Variants in COL28A1 observed in about 807,000 individuals in gnomAD.
COL28A1 encodes the protein collagen alpha-1(XXVIII) chain.
COL28A1 carries 161 observed loss-of-function variants against 150.2 expected under a neutral mutation model. That is an observed-to-expected ratio of 1.07 (90% CI 0.94 to 1.22). The LOEUF (loss-of-function observed/expected upper bound fraction) is 1.22, where lower values mean the gene tolerates loss of function less well. COL28A1 is among the 50% of genes most tolerant of loss of function. The pLI, the probability that COL28A1 is intolerant of heterozygous loss-of-function variation, is 0.00. For synonymous variants in COL28A1, 552 were observed against 469.7 expected (o/e 1.18, Z -2.26); for missense variants, 1,617 against 1,388.3 (o/e 1.16, Z -2.62).
Position 7,395,667 on chromosome 7 carries a change from G to A in COL28A1, c.2137-14055C>T, listed in dbSNP as rs144837924. Among the ~76,000 whole-genome samples the A allele has an allele frequency of 7.2e-4, 109 of 152,312 alleles. 3 individuals are homozygous for A. The East Asian group carries it at 0.016, about 23-fold the overall frequency. ...AGAGCACTTGCTGTAAAAGCTCTGA[G>A]AAGAGGAAGAATTTTACTTTAGCAC... On this transcript the variant is annotated intron_variant, in intron 27 of 34. Transcript: ENST00000399429.
chr7:7,349,532 T>A, the COL28A1 span, among the ~76,000 whole-genome samples: 3 of 152,138 alleles, frequency 2.0e-5, no homozygotes, highest in East Asian at 5.8e-4. Flanking sequence ...GTACTCTTCC[T>A]TCAGAATTCT....
rs143616767 is a variant in COL28A1, at chr7:7,406,543, C to T, written c.2136+11316G>A. Among the ~76,000 whole-genome samples, 795 of 152,106 alleles carry T rather than the reference C, an allele frequency of 5.2e-3. 5 individuals carry two copies. Among genetic ancestry groups the T allele is most frequent in the African/African-American group, 0.018 (760 of 41,496 alleles). On this transcript the variant is annotated intron_variant, in intron 27 of 34. Coordinates refer to ENST00000399429, the MANE Select transcript of COL28A1 (RefSeq NM_001037763.3). ...GAAATATTTTCAGATAATGATAGTG[C>T]TATGAAAACAATAAAACAGGATAAC...
intron 27 of COL28A1, among the ~76,000 whole-genome samples, chr7:7,391,581 A>G (rs546173399): frequency 6.6e-6 from 1 of 152,104 alleles, no homozygotes; most frequent in African/African-American, 2.4e-5. Context: ...GTGCTGTGTA[A>G]AAGTCTCCCA....
chr7:7,458,313 G>C (rs967350342), intron 15 of COL28A1, among the ~76,000 whole-genome samples: 2 of 152,038 alleles, frequency 1.3e-5, no homozygotes, highest in African/African-American at 4.8e-5. Context: ...CTACTCAGGA[G>C]GCTAAGGCAG....
rs113463606 is a variant in COL28A1 at position 7,405,746 on chromosome 7, C to T, written c.2136+12113G>A. Among the ~76,000 whole-genome samples the T allele has an allele frequency of 6.1e-4, 93 of 151,960 alleles. 1 individual carries two copies. Among genetic ancestry groups the T allele is most frequent in the African/African-American group, 2.2e-3 (91 of 41,446 alleles). ...AAAGCATCAAGTGTCTCATTTATTTCTAATTTAATTATTAATCTAAGAGGG... is the reference window on the plus strand; with the variant it reads ...AAAGCATCAAGTGTCTCATTTATTTTTAATTTAATTATTAATCTAAGAGGG... On this transcript the variant is annotated intron_variant, in intron 27 of 34. Transcript: ENST00000399429.
intron 30 of COL28A1, among the ~76,000 whole-genome samples, chr7:7,378,609 T>C (rs1242198584): frequency 2.0e-5 from 3 of 152,026 alleles, no homozygotes; most frequent in African/African-American, 7.2e-5. Context: ...ACAGAAAGGA[T>C]AAGAGGGGGA....
intron 32 of COL28A1, among the ~76,000 whole-genome samples, chr7:7,372,488 T>C (rs1781290277): frequency 6.6e-6 from 1 of 152,198 alleles, no homozygotes; most frequent in African/African-American, 2.4e-5. Flanking sequence ...TGTTTATTCA[T>C]CATTATCTGC....
Position 7,517,816 on chromosome 7 carries a change from C to G in COL28A1, c.835G>C (p.Ala279Pro). The G allele has an allele frequency of 6.2e-7, 1 of 1,613,788 alleles. No homozygotes were observed. The highest frequency in any genetic ancestry group is 8.5e-7 in the Non-Finnish European group (1 of 1,179,726). Residue 279 changes from alanine (A) to proline (P), a missense_variant, in exon 7 of 35, where the codon GCT becomes CCT. Ala to Pro is a conservative substitution (Grantham distance 27). Coordinates refer to ENST00000399429, the MANE Select transcript of COL28A1 (RefSeq NM_001037763.3). ...CATACCCCTGGACCTCTTTCTCCAG[C>G]TTCTCCTTTTTGAGCGTTGCCCTGT... is the stretch of plus-strand genomic sequence containing the variant. ...GNPGNAQKGE[A>P]GERGPGGIPG...
chr7:7,509,478 G>T (rs534863508), intron 9 of COL28A1, among the ~76,000 whole-genome samples: 26 of 152,196 alleles, frequency 1.7e-4, no homozygotes, highest in African/African-American at 6.3e-4. Flanking sequence ...ATCTCTTCAT[G>T]TTGTTCATAT....
chr7:7,538,276 A>T (rs965123382), upstream of COL28A1, among the ~76,000 whole-genome samples: 1 of 152,212 alleles, frequency 6.6e-6, no homozygotes, highest in Non-Finnish European at 1.5e-5. Flanking sequence ...ACACCAGAAC[A>T]AATAAGAGAG....
At chr7:7,528,210 A>G (rs555446741) in intron 3 of COL28A1, among the ~76,000 whole-genome samples, 6 of 152,204 alleles carry the variant, frequency 3.9e-5, no homozygotes, top group Non-Finnish European at 2.9e-5. Flanking sequence ...CATCAAAGGC[A>G]ATAGAGGGAA....
chr7:7,416,124 C>A (rs1277550032), intron 27 of COL28A1, among the ~76,000 whole-genome samples: 1 of 152,140 alleles, frequency 6.6e-6, no homozygotes, highest in Non-Finnish European at 1.5e-5. Flanking sequence ...TATGAGTGAG[C>A]CTTAGTCAGG....
intron 25 of COL28A1, chr7:7,431,715 A>G: frequency 2.3e-6 from 1 of 428,164 alleles, no homozygotes; most frequent in Non-Finnish European, 4.9e-6. Flanking sequence ...GTTTTAAAAG[A>G]CCACTCTTCC....
chr7:7,422,364 C>G (rs1387592688), intron 25 of COL28A1, among the ~76,000 whole-genome samples: 1 of 152,124 alleles, frequency 6.6e-6, no homozygotes, highest in Non-Finnish European at 1.5e-5. Context: ...GGCGCAGTGG[C>G]TTACACCTGT....
At chr7:7,537,544 G>A (rs10237013), upstream of COL28A1, among the ~76,000 whole-genome samples, 12,049 of 152,170 alleles carry the variant, frequency 0.079, 1,600 homozygotes, top group African/African-American at 0.27. Flanking sequence ...TAACTTGTCC[G>A]CTGTCATACT....
intron 20 of COL28A1, 113 bp downstream of exon 20, chr7:7,443,472 C>A: frequency 1.4e-6 from 2 of 1,471,592 alleles, no homozygotes; most frequent in South Asian, 1.4e-5. Context: ...ACTTTTAAGC[C>A]AGACATAAAC....
chr7:7,531,610 G>A lies in COL28A1; in HGVS notation c.419C>T (p.Ala140Val), dbSNP rs1035412919. 3.1e-6 allele frequency: 5 copies of A among 1,604,866 alleles called. No individual in the cohort carries two copies. Among genetic ancestry groups the A allele is most frequent in the Non-Finnish European group, 4.3e-6 (5 of 1,171,470 alleles). Residue 140 changes from alanine (A) to valine (V), a missense_variant, in exon 3 of 35, where the codon GCC becomes GTC. Physicochemically the swap from Ala to Val is moderately conservative, Grantham distance 64. Transcript: ENST00000399429. ...GTFSYYAISN[A>V]TRLLKREGRK... ...CCCTTCTCTCTTAAGTAGCCTAGTG[G>A]CATTGGAAATGGCATAATAAGAGAA...
chr7:7,341,980 C>A, the COL28A1 span, among the ~76,000 whole-genome samples: 1 of 152,014 alleles, frequency 6.6e-6, no homozygotes, highest in East Asian at 1.9e-4. Flanking sequence ...ATCATGTTAT[C>A]CAAATATTCT....
At chr7:7,404,229 C>G (rs1354388653) in intron 27 of COL28A1, among the ~76,000 whole-genome samples, 1 of 152,102 alleles carries the variant, frequency 6.6e-6, no homozygotes, top group African/African-American at 2.4e-5. Context: ...CTAAAACACA[C>G]AGCAGGAGAC....
Sources: allele counts gnomAD v4.1 joint callset (sites outside exome capture counted in the v4.1 genomes callset), GRCh38; gene constraint gnomAD v4.1.1; transcripts MANE v1.5; gene names NCBI Gene and HGNC (gene_info 2026-07-23, HGNC 2026-07-21).